Variants in DPYD observed in about 807,000 individuals in gnomAD.
DPYD encodes the protein dihydropyrimidine dehydrogenase [NADP(+)].
In DPYD, 109 loss-of-function variants were observed where a neutral mutation model predicts 116.2. The observed-to-expected ratio is 0.94, with a 90% CI of 0.80 to 1.10. The LOEUF is 1.10. DPYD is among the 50% of genes least tolerant of loss of function. DPYD has a pLI of 0.00. For missense variants in DPYD, 1,302 were observed against 1,254.5 expected, an observed-to-expected ratio of 1.04 and a Z score of -0.57; for synonymous variants, 440 against 432.0, an observed-to-expected ratio of 1.02 and a Z score of -0.23.
chr1:97,835,671 T>C (rs1669735050), intron 2 of DPYD, among the ~76,000 whole-genome samples: 1 of 152,154 alleles, frequency 6.6e-6, no homozygotes. Flanking sequence ...GCATAATGTA[T>C]GGTTATATTT....
chr1:97,894,915 A>G (rs925390068), intron 1 of DPYD, among the ~76,000 whole-genome samples: 25 of 151,800 alleles, frequency 1.6e-4, no homozygotes, highest in Non-Finnish European at 3.2e-4. Context: ...ATGTGTAACT[A>G]TGAAAATACA....
chr1:97,547,046 T>A (rs921769582), intron 12 of DPYD: 4 of 1,184,700 alleles, frequency 3.4e-6, no homozygotes, highest in Non-Finnish European at 5.0e-6. Flanking sequence ...CCAGAAACAG[T>A]ACAGAACTGA....
At chr1:97,672,805 C>T (rs1004934083) in intron 8 of DPYD, among the ~76,000 whole-genome samples, 27 of 151,826 alleles carry the variant, frequency 1.8e-4, no homozygotes, top group African/African-American at 6.3e-4. Flanking sequence ...TAACTAAAGG[C>T]CACTCTGTAG....
intron 1 of DPYD, among the ~76,000 whole-genome samples, chr1:97,899,433 C>CT (rs1571553410): frequency 1.3e-5 from 2 of 151,864 alleles, no homozygotes; most frequent in African/African-American, 2.4e-5. Flanking sequence ...ACAAATGCGC[C>CT]TTTTCCCTTT....
intron 16 of DPYD, among the ~76,000 whole-genome samples, chr1:97,309,428 G>A (rs964402918): frequency 6.6e-6 from 1 of 151,286 alleles, no homozygotes; most frequent in African/African-American, 2.4e-5. Context: ...AGAAAGCTCT[G>A]AAGCAACAAA....
chr1:97,089,624 T>G (rs1353244811), intron 21 of DPYD, among the ~76,000 whole-genome samples: 1 of 152,150 alleles, frequency 6.6e-6, no homozygotes, highest in Non-Finnish European at 1.5e-5. Context: ...CTCTTCTTCC[T>G]CAGAATCTTT....
At chr1:97,289,802 A>C (rs1243368122) in intron 18 of DPYD, among the ~76,000 whole-genome samples, 1 of 150,716 alleles carries the variant, frequency 6.6e-6, no homozygotes, top group Non-Finnish European at 1.5e-5. Flanking sequence ...CTCTCTCGCC[A>C]CTCCTATTCA....
intron 18 of DPYD, among the ~76,000 whole-genome samples, chr1:97,255,847 C>T (rs1412412633): frequency 6.6e-6 from 1 of 151,952 alleles, no homozygotes; most frequent in Non-Finnish European, 1.5e-5. Flanking sequence ...TGCTAGGTTG[C>T]TGACTTTCAG....
At chr1:97,099,787 C>T (rs1329172123) in intron 20 of DPYD, among the ~76,000 whole-genome samples, 2 of 152,032 alleles carry the variant, frequency 1.3e-5, no homozygotes, top group South Asian at 4.1e-4. Context: ...GCTTGCATAA[C>T]GCCCCAGGAA....
intron 10 of DPYD, among the ~76,000 whole-genome samples, chr1:97,590,312 CA>C (rs1654419125): frequency 6.6e-6 from 1 of 152,166 alleles, no homozygotes; most frequent in South Asian, 2.1e-4. Flanking sequence ...GATGAACCTT[CA>C]AAGGCCTACT....
chr1:97,287,242 A>G (rs1052908694), intron 18 of DPYD, among the ~76,000 whole-genome samples: 2 of 152,020 alleles, frequency 1.3e-5, no homozygotes, highest in Admixed American at 6.6e-5. Context: ...AGAACAGCGG[A>G]TTTTCATGAA....
Position 97,233,970 on chromosome 1 carries a change from T to G in DPYD, c.2442+882A>C, listed in dbSNP as rs1407617560. Among the ~76,000 whole-genome samples the G allele has an allele frequency of 3.3e-5, 5 of 152,204 alleles. No homozygotes were observed. In the East Asian group the frequency reaches 9.6e-4, roughly 29 times the overall value. Reference sequence around the variant, plus strand: ...AGGTATTTCATAGAACAATGTTAATTCTGATTGTCAAGTTAGCAACATGAA... The same window carrying G: ...AGGTATTTCATAGAACAATGTTAATGCTGATTGTCAAGTTAGCAACATGAA... On this transcript the variant is annotated intron_variant, in intron 19 of 22. Transcript: ENST00000370192.
intron 10 of DPYD, among the ~76,000 whole-genome samples, chr1:97,581,591 A>T (rs532530974): frequency 2.0e-4 from 31 of 151,624 alleles, no homozygotes; most frequent in East Asian, 7.8e-4. Context: ...AATTTTTTTT[A>T]AAAAATTTGC....
At position 97,513,839 on chromosome 1, in the gene DPYD, C is replaced by T. The variant is rs1225476038; in HGVS notation, c.1740+1887G>A. ...ACTAATTAGGAACCAGATAAGGAAA[C>T]AAAAAAAGTAGACCTCTATGAGGCA... On this transcript the variant is annotated intron_variant, in intron 13 of 22. Transcript: ENST00000370192. 6.6e-5 allele frequency among the ~76,000 whole-genome samples: 10 copies of T among 151,616 alleles called. No individual in the cohort carries two copies. The East Asian group carries it at 1.9e-3, about 29-fold the overall frequency.
intron 20 of DPYD, among the ~76,000 whole-genome samples, chr1:97,103,758 C>G (rs1650928246): frequency 6.6e-6 from 1 of 152,104 alleles, no homozygotes; most frequent in Non-Finnish European, 1.5e-5. Context: ...TATTCTGCTA[C>G]TAATTTTCCT....
intron 3 of DPYD, among the ~76,000 whole-genome samples, chr1:97,799,530 G>A (rs1476473075): frequency 6.6e-6 from 1 of 151,866 alleles, no homozygotes; most frequent in Non-Finnish European, 1.5e-5. Context: ...TACAAATTAT[G>A]TGATCTATCA....
chr1:97,909,739 C>T (rs938599815), intron 1 of DPYD, among the ~76,000 whole-genome samples: 5 of 152,168 alleles, frequency 3.3e-5, no homozygotes, highest in South Asian at 4.1e-4. Flanking sequence ...TGTTGAGCTA[C>T]GCTGTCTTTA....
chr1:97,769,754 T>A (rs1333541723), intron 3 of DPYD, among the ~76,000 whole-genome samples: 34 of 152,174 alleles, frequency 2.2e-4, no homozygotes, highest in Admixed American at 2.2e-3. Context: ...ATTTTAAAAA[T>A]CACTGTCCAA....
chr1:97,845,266 C>T (rs967309698), intron 2 of DPYD, among the ~76,000 whole-genome samples: 1 of 152,142 alleles, frequency 6.6e-6, no homozygotes, highest in African/African-American at 2.4e-5. Flanking sequence ...TTTTCTGGAC[C>T]TGCCCACAGC....
Sources: gnomAD v4.1 joint callset for allele counts (sites outside exome capture counted in the v4.1 genomes callset) on GRCh38, gnomAD v4.1.1 for gene constraint, MANE v1.5 for transcripts, NCBI Gene and HGNC (gene_info 2026-07-23, HGNC 2026-07-21) for gene names.